ZNF519: variants seen among roughly 807,000 people sequenced by gnomAD.
ZNF519 encodes the protein zinc finger protein 519.
Under a neutral mutation model 7.4 loss-of-function variants are expected in ZNF519, and 7 were observed. The observed-to-expected ratio is 0.94, with a 90% CI of 0.54 to 1.77. ZNF519 has a LOEUF of 1.77. Among genes scored for constraint, ZNF519 ranks in the 40% most tolerant of loss-of-function variants. ZNF519 has a pLI of 0.00. For missense variants in ZNF519, 586 were observed against 623.1 expected (o/e 0.94, Z 0.63); for synonymous variants, 179 against 203.3 (o/e 0.88, Z 1.02).
rs964649936 is a variant in ZNF519 at position 14,122,745 on chromosome 18, ATTTTT to A, written c.130+1600_130+1604del. ...ATTGGAGCAAAGATTCCCAAACTAC[ATTTTT>A]TTTTCTTTTTGAAAATTCACATTTC... is the stretch of plus-strand genomic sequence containing the variant. On this transcript the variant is annotated intron_variant, in intron 2 of 2. Transcript: ENST00000590202. 8.0e-5 allele frequency: 12 copies of A among 150,426 alleles called. No individual in the cohort carries two copies. In the East Asian group the frequency reaches 2.0e-3, roughly 25 times the overall value. The allele number at this position is 150,426 out of a possible 1,614,324, so 9.3% of individuals were successfully genotyped here. A position where few individuals can be genotyped will look rare whatever the true frequency, so the allele number is the denominator to read the frequency against.
intron 1 of ZNF519, among the ~76,000 whole-genome samples, chr18:14,125,789 A>ATT (rs2046296117): frequency 6.6e-6 from 1 of 152,002 alleles, no homozygotes; most frequent in Non-Finnish European, 1.5e-5. Context: ...GGTCCAAGCA[A>ATT]TTCTCCTGCC....
intron 2 of ZNF519, among the ~76,000 whole-genome samples, chr18:14,115,763 A>G (rs2046243322): frequency 6.6e-6 from 1 of 152,210 alleles, no homozygotes; most frequent in Non-Finnish European, 1.5e-5. Context: ...CACAATAAAT[A>G]CATTTTTTAA....
In ZNF519 at chr18:14,105,364, A is replaced by G; in HGVS notation, c.1176T>C (p.Thr392=). ...GKAFNRSSYV[T]QHQRMHTGEK... Reference sequence around the variant, plus strand: ...CTCCAGTATGCATTCTCTGATGCTGAGTAACGTATGAGCTTCTATTAAAGG... The same window carrying G: ...CTCCAGTATGCATTCTCTGATGCTGGGTAACGTATGAGCTTCTATTAAAGG... The change falls in exon 3 of 3, where the codon ACT becomes ACC. Residue 392 remains threonine (T), a synonymous_variant. Coordinates refer to ENST00000590202, the MANE Select transcript of ZNF519 (RefSeq NM_145287.4). The G allele has an allele frequency of 6.2e-7, 1 of 1,614,056 alleles. No homozygotes were observed. The highest frequency in any genetic ancestry group is 8.5e-7 in the Non-Finnish European group (1 of 1,180,024).
chr18:14,131,663 G>C, intron 1 of ZNF519, among the ~76,000 whole-genome samples: 1 of 151,990 alleles, frequency 6.6e-6, no homozygotes, highest in Non-Finnish European at 1.5e-5. Context: ...AGGAGGAAAC[G>C]AAATTCAAGC....
rs2046178929 is a variant in ZNF519 at position 14,104,733 on chromosome 18, T to C, written c.*184A>G. The C allele has an allele frequency of 2.0e-6, 1 of 505,698 alleles. No homozygotes were observed. Among genetic ancestry groups the C allele is most frequent in the Admixed American group, 3.7e-5 (1 of 26,852 alleles). The allele number at this position is 505,698 out of a possible 1,614,324, so 31.3% of individuals were successfully genotyped here. A position where few individuals can be genotyped will look rare whatever the true frequency, so the allele number is the denominator to read the frequency against. On this transcript the variant is annotated 3_prime_UTR_variant, in exon 3 of 3. Transcript: ENST00000590202. Reference sequence around the variant, plus strand: ...ATAAACACACTGATTCAGAGTAATTTACGGAAGTGCTAGCACCTTAGTTCT... The same window carrying C: ...ATAAACACACTGATTCAGAGTAATTCACGGAAGTGCTAGCACCTTAGTTCT...
chr18:14,071,885 C>G (rs1364320493), downstream of ZNF519: 1 of 152,160 alleles, frequency 6.6e-6, no homozygotes, highest in Non-Finnish European at 1.5e-5. Flanking sequence ...TTACAAGACC[C>G]TTTCAACTTG....
rs2046192861 is a variant in ZNF519 at position 14,106,383 on chromosome 18, T to C, written c.157A>G (p.Ile53Val). 6.2e-7 allele frequency: 1 copy of C among 1,600,548 alleles called. No individual in the cohort carries two copies. The highest frequency in any genetic ancestry group is 8.5e-7 in the Non-Finnish European group (1 of 1,175,526). ...LAVYSYYNQG[I>V]LPEQGIQDSF... ...TCTTGTATGCCTTGCTCTGGTAAAA[T>C]GCCTTGGTTGTAATAAGAATACACA... Residue 53 changes from isoleucine to valine, a missense_variant, in exon 3 of 3, where the codon ATT becomes GTT. Ile to Val is a conservative substitution (Grantham distance 29, BLOSUM62 3). Coordinates refer to ENST00000590202, the MANE Select transcript of ZNF519 (RefSeq NM_145287.4).
chr18:14,100,077 T>C lies in ZNF519; in HGVS notation c.*4840A>G, dbSNP rs771915801. 5.3e-5 allele frequency: 8 copies of C among 152,142 alleles called. No homozygotes were observed. Among genetic ancestry groups the C allele is most frequent in the South Asian group, 2.1e-4 (1 of 4,830 alleles). 9.4% of individuals were successfully genotyped at this position (152,142 alleles called of 1,614,324 possible). On this transcript the variant is annotated 3_prime_UTR_variant, in exon 3 of 3. Transcript: ENST00000590202. ...TGAATAAACATTTCATCAGAGATAA[T>C]AGGCAGATGTCATATGAGAACATTA...
At chr18:14,095,977 A>G (rs2046134794), downstream of ZNF519, among the ~76,000 whole-genome samples, 1 of 152,192 alleles carries the variant, frequency 6.6e-6, no homozygotes, top group Admixed American at 6.5e-5. Context: ...GCCTAAGGCC[A>G]CTGTGGAAGG....
chr18:14,104,875 C>T lies in ZNF519; in HGVS notation c.*42G>A. On this transcript the variant is annotated 3_prime_UTR_variant, in exon 3 of 3. Transcript: ENST00000590202. ...TCTAATGTTGAGTAAGGTGTGAGCA[C>T]CAGTTTAGGGTTTTAGCACATTCTT... is the stretch of plus-strand genomic sequence containing the variant. The T allele has an allele frequency of 6.8e-7, 1 of 1,479,504 alleles. No homozygotes were observed. Among genetic ancestry groups the T allele is most frequent in the Non-Finnish European group, 9.0e-7 (1 of 1,113,650 alleles). The allele number at this position is 1,479,504 out of a possible 1,614,324, so 91.6% of individuals were successfully genotyped here.
At chr18:14,122,016 C>G (rs1412208312) in intron 2 of ZNF519, 1 of 152,144 alleles carries the variant, frequency 6.6e-6, no homozygotes, top group Non-Finnish European at 1.5e-5. Context: ...TGACGAATAT[C>G]ATGAAAACTG....
In ZNF519 at chr18:14,102,583, T is replaced by G. The variant is rs1218974867; in HGVS notation, c.*2334A>C. 1 of 152,200 alleles carries G rather than the reference T, an allele frequency of 6.6e-6. No individual in the cohort carries two copies. The highest frequency in any genetic ancestry group is 1.5e-5 in the Non-Finnish European group (1 of 68,032). 9.4% of individuals were successfully genotyped at this position (152,200 alleles called of 1,614,324 possible). A position where few individuals can be genotyped will look rare whatever the true frequency, so the allele number is the denominator to read the frequency against. ...AAGTCACATTTATGAATATATCTCT[T>G]ATTTAGAGAATTACAATTTTAAACT... On this transcript the variant is annotated 3_prime_UTR_variant, in exon 3 of 3. Transcript: ENST00000590202.
chr18:14,087,142 C>T (rs9960143), intron 2 of ZNF519, among the ~76,000 whole-genome samples: 3,378 of 152,144 alleles, frequency 0.022, 126 homozygotes, highest in African/African-American at 0.074. Flanking sequence ...AAAAACCATA[C>T]GCTCATCTCA....
At chr18:14,076,093 C>T (rs1364106123) in exon 5 of ZNF519, 1 of 152,054 alleles carries the variant, frequency 6.6e-6, no homozygotes. Flanking sequence ...AAGCCCCCTC[C>T]TTCCTTGTAA....
chr18:14,075,348 T>C (rs909084324), downstream of ZNF519: 3 of 152,238 alleles, frequency 2.0e-5, no homozygotes, highest in African/African-American at 7.2e-5. Flanking sequence ...GCAGAGGATG[T>C]TGGAGCACCC....
At chr18:14,111,489 A>G (rs2046220509) in intron 2 of ZNF519, among the ~76,000 whole-genome samples, 1 of 148,994 alleles carries the variant, frequency 6.7e-6, no homozygotes, top group Non-Finnish European at 1.5e-5. Context: ...CCTGGGCGAC[A>G]GAGTGAGACT....
chr18:14,130,764 A>G (rs1407248119), intron 1 of ZNF519, among the ~76,000 whole-genome samples: 1 of 151,468 alleles, frequency 6.6e-6, no homozygotes, highest in East Asian at 1.9e-4. Flanking sequence ...GAAGACAGGA[A>G]TAGTCTATCT....
intron 3 of ZNF519, among the ~76,000 whole-genome samples, chr18:14,081,711 C>T (rs1206005269): frequency 2.0e-5 from 3 of 152,112 alleles, no homozygotes; most frequent in Non-Finnish European, 4.4e-5. Context: ...GGATGGTGTA[C>T]ACAAGAAGAC....
chr18:14,104,937 G>A lies in ZNF519; in HGVS notation c.1603C>T (p.Gln535Ter). 3.9e-6 allele frequency: 6 copies of A among 1,556,224 alleles called. No individual in the cohort carries two copies. In the South Asian group the frequency reaches 6.3e-5, roughly 16 times the overall value. ...FNRRSTLTQH[Q>*]IIHTR ...GGTTTCTACCTGGTATGAATTATTT[G>A]ATGTTGAGTAAGGGTTGAGCGTCTG... Residue 535 changes from glutamine (Q) to a stop codon, truncating the protein, a stop_gained, in exon 3 of 3, where the codon CAA becomes TAA. Transcript: ENST00000590202. LOFTEE classifies it high-confidence loss of function.
Sources: gnomAD v4.1 joint callset for allele counts (sites outside exome capture counted in the v4.1 genomes callset) on GRCh38, gnomAD v4.1.1 for gene constraint, MANE v1.5 for transcripts, NCBI Gene and HGNC (gene_info 2026-07-23, HGNC 2026-07-21) for gene names.